LRRC7: variants seen among roughly 807,000 people sequenced by gnomAD.
The protein encoded by LRRC7 is leucine rich repeat containing 7.
LRRC7 carries 23 observed loss-of-function variants against 175.7 expected under a neutral mutation model. The ratio of observed to expected loss-of-function variants is 0.13; its 90% CI spans 0.09 to 0.19. The LOEUF (loss-of-function observed/expected upper bound fraction) is 0.19, where lower values mean the gene tolerates loss of function less well. LRRC7 is among the 10% of genes least tolerant of loss of function. The pLI, the probability that LRRC7 is intolerant of heterozygous loss-of-function variation, is 1.00. For synonymous variants in LRRC7, 685 were observed against 680.9 expected (o/e 1.01, Z -0.09); for missense variants, 1,354 against 1,904.7 (o/e 0.71, Z 5.38).
intron 1 of LRRC7, among the ~76,000 whole-genome samples, chr1:69,641,951 G>A (rs1201756538): frequency 6.6e-6 from 1 of 151,694 alleles, no homozygotes; most frequent in Non-Finnish European, 1.5e-5. Flanking sequence ...ATAAAGATCT[G>A]GAAGTTATAA....
chr1:69,936,157 G>T (rs929528947), intron 8 of LRRC7, among the ~76,000 whole-genome samples: 1 of 152,130 alleles, frequency 6.6e-6, no homozygotes, highest in Admixed American at 6.6e-5. Flanking sequence ...CTACATGATT[G>T]TAATTAGCAC....
At chr1:70,082,743 C>T (rs757384015) in intron 24 of LRRC7, among the ~76,000 whole-genome samples, 1 of 118,534 alleles carries the variant, frequency 8.4e-6, no homozygotes, top group African/African-American at 3.0e-5. Context: ...GAAAGTGCTA[C>T]ATCAGGGGAT....
intron 7 of LRRC7, among the ~76,000 whole-genome samples, chr1:69,840,354 T>C (rs1420678622): frequency 6.6e-6 from 1 of 152,090 alleles, no homozygotes; most frequent in Non-Finnish European, 1.5e-5. Context: ...TAGTATCCTT[T>C]ATTTTGCACT....
intron 7 of LRRC7, among the ~76,000 whole-genome samples, chr1:69,929,041 T>G (rs748449508): frequency 5.9e-5 from 9 of 152,210 alleles, no homozygotes; most frequent in Non-Finnish European, 1.3e-4. Context: ...ACTTTTCAGT[T>G]TTACTTATTT....
chr1:69,654,741 T>A (rs991403642), intron 1 of LRRC7, among the ~76,000 whole-genome samples: 2 of 152,156 alleles, frequency 1.3e-5, no homozygotes, highest in African/African-American at 4.8e-5. Flanking sequence ...ATACATATTA[T>A]CTTTCTTCAA....
chr1:69,668,450 C>A (rs1243684922), intron 1 of LRRC7, among the ~76,000 whole-genome samples: 1 of 152,116 alleles, frequency 6.6e-6, no homozygotes, highest in African/African-American at 2.4e-5. Flanking sequence ...CCAGTTTCAT[C>A]CATGTCCCTG....
chr1:69,834,287 C>G (rs953925202), intron 5 of LRRC7, among the ~76,000 whole-genome samples: 22 of 152,184 alleles, frequency 1.4e-4, no homozygotes, highest in African/African-American at 5.1e-4. Context: ...AAGGGGACAA[C>G]ATACTCCTTC....
intron 8 of LRRC7, among the ~76,000 whole-genome samples, chr1:69,958,633 G>A (rs962416781): frequency 6.6e-6 from 1 of 152,024 alleles, no homozygotes; most frequent in Non-Finnish European, 1.5e-5. Context: ...AAGACAAGAA[G>A]AGATTTAGAT....
At chr1:69,643,900 C>T (rs115213186) in intron 1 of LRRC7, among the ~76,000 whole-genome samples, 2,233 of 151,922 alleles carry the variant, frequency 0.015, 58 homozygotes, top group African/African-American at 0.051. Context: ...CCCTAAATGT[C>T]CTAAATTAAA....
At chr1:69,662,378 T>G (rs560689850) in intron 1 of LRRC7, among the ~76,000 whole-genome samples, 1 of 152,354 alleles carries the variant, frequency 6.6e-6, no homozygotes, top group South Asian at 2.1e-4. Context: ...ATTCTATTTC[T>G]TTATAAATAA....
intron 10 of LRRC7, among the ~76,000 whole-genome samples, chr1:69,992,897 T>C (rs1654578126): frequency 6.6e-6 from 1 of 152,120 alleles, no homozygotes; most frequent in African/African-American, 2.4e-5. Context: ...ACCCTGACTT[T>C]GTGACGTTTG....
At chr1:69,838,140 C>G in intron 6 of LRRC7, 87 bp from the exon 7 acceptor site, 1 of 806,046 alleles carries the variant, frequency 1.2e-6, no homozygotes, top group Non-Finnish European at 2.1e-6. Flanking sequence ...CCATAGTAAC[C>G]CTATAGTGCT....
chr1:69,861,802 C>T (rs993145758), intron 7 of LRRC7, among the ~76,000 whole-genome samples: 13 of 152,090 alleles, frequency 8.5e-5, no homozygotes, highest in African/African-American at 1.7e-4. Flanking sequence ...CCTTATACCC[C>T]GCAGTGTCTG....
At chr1:69,655,476 A>G (rs1656473882) in intron 1 of LRRC7, among the ~76,000 whole-genome samples, 1 of 152,042 alleles carries the variant, frequency 6.6e-6, no homozygotes, top group Admixed American at 6.6e-5. Flanking sequence ...GGCAAAGTGA[A>G]GAAGACACTA....
chr1:69,648,157 A>G (rs1039232374), intron 1 of LRRC7, among the ~76,000 whole-genome samples: 5 of 152,166 alleles, frequency 3.3e-5, no homozygotes, highest in Admixed American at 2.6e-4. Flanking sequence ...ATGGAACGTA[A>G]CCTTTAAGAA....
chr1:69,608,077 T>C (rs1275773157), intron 1 of LRRC7: 1 of 152,828 alleles, frequency 6.5e-6, no homozygotes, highest in Non-Finnish European at 1.5e-5. Context: ...TGTTGGATGA[T>C]ATCTTGGACT....
intron 1 of LRRC7, among the ~76,000 whole-genome samples, chr1:69,656,972 A>G (rs1276623475): frequency 2.0e-5 from 3 of 152,052 alleles, no homozygotes; most frequent in Middle Eastern, 6.8e-3. Flanking sequence ...GAATAGAAAA[A>G]AAAGGAAAGG....
At chr1:69,719,821 A>G (rs1015135932) in intron 2 of LRRC7, among the ~76,000 whole-genome samples, 4 of 151,698 alleles carry the variant, frequency 2.6e-5, no homozygotes, top group Admixed American at 6.6e-5. Flanking sequence ...ACCACAATTA[A>G]CATTTACATT....
At chr1:69,867,667 C>T (rs892216223) in intron 7 of LRRC7, among the ~76,000 whole-genome samples, 1 of 152,022 alleles carries the variant, frequency 6.6e-6, no homozygotes, top group African/African-American at 2.4e-5. Flanking sequence ...GGGAAAGATA[C>T]AAGGTATGCT....
Sources: allele counts gnomAD v4.1 joint callset (sites outside exome capture counted in the v4.1 genomes callset), GRCh38; gene constraint gnomAD v4.1.1; transcripts MANE v1.5; gene names NCBI Gene and HGNC (gene_info 2026-07-23, HGNC 2026-07-21).